AREL1: variants seen among roughly 807,000 people sequenced by gnomAD.
AREL1 encodes apoptosis-resistant E3 ubiquitin protein ligase 1.
In AREL1, 62 loss-of-function variants were observed where a neutral mutation model predicts 99.0. The ratio of observed to expected loss-of-function variants is 0.63; its 90% confidence interval spans 0.51 to 0.77. AREL1 has a LOEUF of 0.77. Among genes scored for constraint, AREL1 ranks in the 30% least tolerant of loss-of-function variants. AREL1 has a pLI of 0.00. For missense variants in AREL1, 879 were observed against 1,027.6 expected (o/e 0.86, Z 1.98); for synonymous variants, 380 against 376.5 (o/e 1.01, Z -0.11).
At chr14:74,707,264 A>G (rs1416562910) in intron 1 of AREL1, among the ~76,000 whole-genome samples, 3 of 152,086 alleles carry the variant, frequency 2.0e-5, no homozygotes, top group African/African-American at 7.2e-5. Flanking sequence ...GCTACTCGGG[A>G]GGCTGAGGCC....
chr14:74,672,697 T>G, intron 11 of AREL1, 134 bp downstream of exon 11: 1 of 1,276,556 alleles, frequency 7.8e-7, no homozygotes, highest in Non-Finnish European at 1.1e-6. Context: ...ATCGCACCTC[T>G]GCACCCCAGC....
intron 8 of AREL1, 49 bp downstream of exon 8, chr14:74,675,650 C>T (rs2089453087): frequency 6.3e-7 from 1 of 1,586,898 alleles, no homozygotes; most frequent in Non-Finnish European, 8.6e-7. Flanking sequence ...ATACCAATTA[C>T]ACACAGGTTC....
At chr14:74,671,645 T>C (rs902161023) in intron 11 of AREL1, among the ~76,000 whole-genome samples, 162 bp from the exon 12 acceptor site, 8 of 152,224 alleles carry the variant, frequency 5.3e-5, no homozygotes, top group African/African-American at 1.4e-4. Context: ...ACCTGACATT[T>C]AAAATGCACA....
intron 2 of AREL1, among the ~76,000 whole-genome samples, chr14:74,688,435 G>A (rs1030553283): frequency 7.9e-5 from 12 of 151,982 alleles, no homozygotes; most frequent in African/African-American, 2.7e-4. Flanking sequence ...TGGAGTCCTC[G>A]GCCATTTTTC....
At chr14:74,706,876 A>T (rs2090188154) in intron 1 of AREL1, among the ~76,000 whole-genome samples, 1 of 152,068 alleles carries the variant, frequency 6.6e-6, no homozygotes, top group African/African-American at 2.4e-5. Context: ...AGTTCACATC[A>T]CCCTCCTGGA....
chr14:74,664,031 T>C lies in AREL1; in HGVS notation c.2237A>G (p.Glu746Gly). 1 of 1,614,072 alleles carries C rather than the reference T, an allele frequency of 6.2e-7. No individual in the cohort carries two copies. Among genetic ancestry groups the C allele is most frequent in the Non-Finnish European group, 8.5e-7 (1 of 1,180,018 alleles). Residue 746 changes from glutamate (E) to glycine (G), a missense_variant, in exon 19 of 20, where the codon GAG becomes GGG. By Grantham distance (98) the Glu-to-Gly change is moderately conservative. Transcript: ENST00000356357. ...FWTVVSSLTQEELARLLQFTT... is the reference protein window; with the variant it reads ...FWTVVSSLTQGELARLLQFTT... Reference sequence around the variant, plus strand: ...GAACTGAAGTAGCCGAGCCAACTCCTCCTGGGTCAGACTGGAAACCACAGT... The same window carrying C: ...GAACTGAAGTAGCCGAGCCAACTCCCCCTGGGTCAGACTGGAAACCACAGT...
At chr14:74,684,323 A>G in intron 4 of AREL1, 131 bp downstream of exon 4, 2 of 740,380 alleles carry the variant, frequency 2.7e-6, no homozygotes, top group Non-Finnish European at 2.2e-6. Context: ...TTCAGATAGT[A>G]GCAATTCACT....
chr14:74,690,567 A>ACAG (rs1384690352), intron 2 of AREL1, among the ~76,000 whole-genome samples: 2 of 152,224 alleles, frequency 1.3e-5, no homozygotes, highest in Admixed American at 1.3e-4. Context: ...GTATTTTTCT[A>ACAG]CAGCAGTTTC....
At chr14:74,667,688 TGACCTCCATCACTGTCAGTCACA>T in intron 15 of AREL1, 94 bp from the exon 16 acceptor site, 1 of 1,459,982 alleles carries the variant, frequency 6.8e-7, no homozygotes, top group Non-Finnish European at 9.2e-7. Flanking sequence ...CACAGATTAC[TGACCTCCATCACTGTCAGTCACA>T]AGTTTCTGCT....
intron 12 of AREL1, among the ~76,000 whole-genome samples, chr14:74,671,156 A>G (rs2089329469): frequency 6.6e-6 from 1 of 152,090 alleles, no homozygotes; most frequent in Non-Finnish European, 1.5e-5. Context: ...TCAAACACTT[A>G]GAACTCTCTC....
Position 74,675,883 on chromosome 14 carries a change from G to C in AREL1, c.896C>G (p.Ala299Gly), listed in dbSNP as rs758612265. 12 of 1,613,748 alleles carry C rather than the reference G, an allele frequency of 7.4e-6. No homozygotes were observed. In the Admixed American group the frequency reaches 1.8e-4, roughly 25 times the overall value. Residue 299 changes from alanine to glycine, a missense_variant, in exon 8 of 20, where the codon GCT becomes GGT. Physicochemically the swap from Ala to Gly is moderately conservative, Grantham distance 60. Coordinates refer to ENST00000356357, the MANE Select transcript of AREL1 (RefSeq NM_001039479.2). ...ACAGTTGGTAGCATTATAAAGATAAGCCTCAAAGTAAATGCTCACGCCTGA... is the reference window on the plus strand; with the variant it reads ...ACAGTTGGTAGCATTATAAAGATAACCCTCAAAGTAAATGCTCACGCCTGA... ...STSGVSIYFE[A>G]YLYNATNCSS...
At chr14:74,674,640 C>A (rs913227809) in intron 8 of AREL1, among the ~76,000 whole-genome samples, 1 of 152,132 alleles carries the variant, frequency 6.6e-6, no homozygotes, top group Non-Finnish European at 1.5e-5. Flanking sequence ...ACTGACAATG[C>A]AGTTTCACAC....
intron 1 of AREL1, chr14:74,698,821 C>T: frequency 4.3e-6 from 1 of 231,316 alleles, no homozygotes; most frequent in South Asian, 4.0e-5. Flanking sequence ...CCCAGGAGTT[C>T]AAGACCAATC....
At chr14:74,687,224 C>G (rs2089767826) in intron 2 of AREL1, among the ~76,000 whole-genome samples, 2 of 152,172 alleles carry the variant, frequency 1.3e-5, no homozygotes, top group South Asian at 4.1e-4. Context: ...GATTTGTGGT[C>G]TTCTTAGAGG....
At chr14:74,665,475 A>T (rs2089194385) in intron 17 of AREL1, among the ~76,000 whole-genome samples, 1 of 151,778 alleles carries the variant, frequency 6.6e-6, no homozygotes, top group South Asian at 2.1e-4. Flanking sequence ...ACACACACAA[A>T]CTGTTTCCTG....
intron 17 of AREL1, among the ~76,000 whole-genome samples, chr14:74,666,531 G>A (rs1392439361): frequency 2.0e-5 from 3 of 152,116 alleles, no homozygotes; most frequent in Admixed American, 6.5e-5. Flanking sequence ...CTCATCTTTT[G>A]GTTTGTTTCC....
chr14:74,664,076 T>TTTTTGGA lies in AREL1; in HGVS notation c.2194-3_2194-2insTCCAAAA, dbSNP rs1299014730. 6.2e-7 allele frequency: 1 copy of TTTTTGGA among 1,612,444 alleles called. No individual in the cohort carries two copies. Among genetic ancestry groups the TTTTTGGA allele is most frequent in the Non-Finnish European group, 8.5e-7 (1 of 1,179,102 alleles). On this transcript the variant is annotated splice_region_variant and splice_polypyrimidine_tract_variant and intron_variant, in intron 18 of 19. Transcript: ENST00000356357. ...CACAGTCCAAAACCACCTCATGACCTGGCAGGGAGAGCACAAGGCTGGGAT... is the reference window on the plus strand; with the variant it reads ...CACAGTCCAAAACCACCTCATGACCTTTTTGGAGGCAGGGAGAGCACAAGGCTGGGAT...
At chr14:74,692,379 A>G (rs2089901445) in intron 1 of AREL1, 51 bp from the exon 2 acceptor site, 1 of 374,624 alleles carries the variant, frequency 2.7e-6, no homozygotes, top group South Asian at 1.9e-5. Flanking sequence ...TATTTCTGAA[A>G]AGGATTCCCC....
Position 74,692,118 on chromosome 14 carries a change from C to T in AREL1, c.-123G>A, listed in dbSNP as rs533982891. On this transcript the variant is annotated 5_prime_UTR_variant, in exon 2 of 20. Transcript: ENST00000356357. ...AAAGCAGGTAACTTTTGGCCCCTTT[C>T]ACCTTGTCTTCCAACTTCCACATGA... 26 of 442,008 alleles carry T rather than the reference C, an allele frequency of 5.9e-5. No individual in the cohort carries two copies. The highest frequency in any genetic ancestry group is 5.1e-4 in the African/African-American group (25 of 48,888). The allele number at this position is 442,008 out of a possible 1,614,324, so 27.4% of individuals were successfully genotyped here.
Sources: gnomAD v4.1 joint callset for allele counts (sites outside exome capture counted in the v4.1 genomes callset) on GRCh38, gnomAD v4.1.1 for gene constraint, MANE v1.5 for transcripts, NCBI Gene and HGNC (gene_info 2026-07-23, HGNC 2026-07-21) for gene names.